Variants in LGR5 observed in about 807,000 individuals in gnomAD.
LGR5 encodes leucine rich repeat containing G protein-coupled receptor 5, also known as leucine-rich repeat-containing G protein-coupled receptor 5.
In LGR5, 54 loss-of-function variants were observed where a neutral mutation model predicts 76.7. The ratio of observed to expected loss-of-function variants is 0.70; its 90% CI spans 0.57 to 0.88. The LOEUF is 0.88. Ranked by LOEUF, LGR5 falls within the 40% of genes least tolerant of loss-of-function variation. LGR5 has a pLI of 0.00. For missense variants in LGR5, 1,078 were observed against 1,073.3 expected (o/e 1.00, Z -0.06); for synonymous variants, 406 against 421.9 (o/e 0.96, Z 0.46).
intron 4 of LGR5, among the ~76,000 whole-genome samples, chr12:71,543,118 C>A (rs1034394357): frequency 2.0e-5 from 3 of 152,140 alleles, no homozygotes; most frequent in African/African-American, 7.2e-5. Context: ...ATCTAGACAG[C>A]TGCTCAGACA....
chr12:71,485,909 G>A (rs942346623), intron 1 of LGR5, among the ~76,000 whole-genome samples: 4 of 151,902 alleles, frequency 2.6e-5, no homozygotes, highest in African/African-American at 7.3e-5. Context: ...GGGATTACAG[G>A]TGTCCGCCAC....
At chr12:71,459,836 AATT>A (rs1872621070) in intron 1 of LGR5, among the ~76,000 whole-genome samples, 1 of 151,996 alleles carries the variant, frequency 6.6e-6, no homozygotes, top group African/African-American at 2.4e-5. Flanking sequence ...AATAATTTAT[AATT>A]ATTGATATTG....
intron 1 of LGR5, among the ~76,000 whole-genome samples, chr12:71,495,390 T>G (rs1336232821): frequency 6.6e-6 from 1 of 151,340 alleles, no homozygotes; most frequent in East Asian, 1.9e-4. Flanking sequence ...AAGTTTAATT[T>G]CTGTTCAACA....
At chr12:71,450,109 C>A (rs563160240) in intron 1 of LGR5, among the ~76,000 whole-genome samples, 2 of 152,290 alleles carry the variant, frequency 1.3e-5, no homozygotes, top group Non-Finnish European at 2.9e-5. Context: ...TAATGACATT[C>A]TGAAAATCAC....
At chr12:71,493,863 G>A (rs1874189195) in intron 1 of LGR5, among the ~76,000 whole-genome samples, 1 of 148,116 alleles carries the variant, frequency 6.8e-6, no homozygotes, top group Non-Finnish European at 1.5e-5. Flanking sequence ...TGACCTTCTA[G>A]GCTCAGGTGA....
In LGR5 at chr12:71,514,440, C is replaced by T. The variant is rs1409729645; in HGVS notation, c.284+9755C>T. Among the ~76,000 whole-genome samples the T allele has an allele frequency of 5.9e-5, 9 of 151,792 alleles. No homozygotes were observed. In the East Asian group the frequency reaches 9.7e-4, roughly 16 times the overall value. ...AAAATTAGCCGGGCGTGGTGGCGGG[C>T]GCCTGTAGTCCCAGCTACTCAGGAG... On this transcript the variant is annotated intron_variant, in intron 2 of 17. Transcript: ENST00000266674.
At position 71,566,699 on chromosome 12, in the gene LGR5, C is replaced by G. The variant is rs1327699107; in HGVS notation, c.997C>G (p.Leu333Val). Residue 333 changes from leucine (L) to valine (V), a missense_variant and splice_region_variant, in exon 10 of 18, where the codon CTG (leucine) becomes GTG (valine). By Grantham distance (32) the Leu-to-Val change is conservative (BLOSUM62 1). Transcript: ENST00000266674. ...DLTGTANLES[L>V]TLTGAQISSL... is the part of the protein sequence containing the mutation. ...AACTGGAACTGCAAACCTGGAGAGT[C>G]TGTAAGTACTGAGTAGACTCTTGAC... 1 of 1,611,510 alleles carries G rather than the reference C, an allele frequency of 6.2e-7. No homozygotes were observed. Among genetic ancestry groups the G allele is most frequent in the South Asian group, 1.1e-5 (1 of 90,996 alleles).
intron 2 of LGR5, among the ~76,000 whole-genome samples, chr12:71,518,361 C>G (rs1004744029): frequency 5.9e-5 from 9 of 152,102 alleles, no homozygotes; most frequent in African/African-American, 2.2e-4. Flanking sequence ...CAGTTGCTGG[C>G]AAGATCGTGG....
intron 1 of LGR5, among the ~76,000 whole-genome samples, chr12:71,456,566 C>T (rs1357141174): frequency 2.0e-5 from 3 of 152,074 alleles, no homozygotes; most frequent in African/African-American, 7.2e-5. Flanking sequence ...TGTATTGTGC[C>T]CACTGAAGTG....
intron 1 of LGR5, among the ~76,000 whole-genome samples, chr12:71,467,029 T>C (rs1413119074): frequency 6.6e-6 from 1 of 151,720 alleles, no homozygotes; most frequent in Non-Finnish European, 1.5e-5. Context: ...TTAACAAAAA[T>C]AGTCATCATT....
chr12:71,440,006 G>T lies in LGR5; in HGVS notation c.-75G>T, dbSNP rs1434354577. ...TGCAGAAGCCCACGGAGCGGCGCCC[G>T]GCGCGCCACGGCCCGTAGCAGTCCG... On this transcript the variant is annotated 5_prime_UTR_variant, in exon 1 of 18. Coordinates refer to ENST00000266674, the MANE Select transcript of LGR5 (RefSeq NM_003667.4). The surrounding 1 kb of genome is among the most constrained non-coding windows in gnomAD (Gnocchi z 5.3). 2 of 1,443,398 alleles carry T rather than the reference G, an allele frequency of 1.4e-6. No individual in the cohort carries two copies. The highest frequency in any genetic ancestry group is 1.9e-6 in the Non-Finnish European group (2 of 1,052,576). The allele number at this position is 1,443,398 out of a possible 1,614,324, so 89.4% of individuals were successfully genotyped here. A position where few individuals can be genotyped will look rare whatever the true frequency, so the allele number is the denominator to read the frequency against.
chr12:71,454,786 C>A (rs1431737237), intron 1 of LGR5, among the ~76,000 whole-genome samples: 1 of 151,500 alleles, frequency 6.6e-6, no homozygotes, highest in Non-Finnish European at 1.5e-5. Flanking sequence ...AACACACACA[C>A]ACACACACAC....
intron 1 of LGR5, 21 bp from the exon 2 acceptor site, chr12:71,504,593 G>A (rs376745319): frequency 3.2e-5 from 51 of 1,606,564 alleles, no homozygotes; most frequent in East Asian, 4.5e-5. Flanking sequence ...CTCCTCACAC[G>A]CTGTCTGTTT....
chr12:71,524,367 G>A (rs767710463), intron 2 of LGR5, 39 bp from the exon 3 acceptor site: 1 of 1,441,680 alleles, frequency 6.9e-7, no homozygotes, highest in Admixed American at 1.7e-5. Context: ...CACATGAAGA[G>A]GTATGCTCAC....
At chr12:71,474,344 T>A (rs1477138354) in intron 1 of LGR5, among the ~76,000 whole-genome samples, 1 of 152,212 alleles carries the variant, frequency 6.6e-6, no homozygotes, top group African/African-American at 2.4e-5. Flanking sequence ...GAGCAGGTAC[T>A]GGTGTTTATA....
intron 2 of LGR5, among the ~76,000 whole-genome samples, chr12:71,520,634 G>C (rs140734873): frequency 6.6e-6 from 1 of 150,388 alleles, no homozygotes; most frequent in Non-Finnish European, 1.5e-5. Context: ...ATCAAACAAC[G>C]CATGTTCTCA....
chr12:71,537,126 C>A (rs1333771607), intron 4 of LGR5, among the ~76,000 whole-genome samples: 2 of 151,648 alleles, frequency 1.3e-5, no homozygotes, highest in Admixed American at 6.6e-5. Context: ...GTGCCAGTGT[C>A]CCACTTTTTC....
intron 1 of LGR5, among the ~76,000 whole-genome samples, chr12:71,480,378 A>AG (rs1491144138): frequency 2.4e-4 from 36 of 149,084 alleles, no homozygotes; most frequent in African/African-American, 8.4e-4. Flanking sequence ...AAAAAAAAAA[A>AG]AGAGAATGAG....
At chr12:71,480,441 T>C (rs61588654) in intron 1 of LGR5, among the ~76,000 whole-genome samples, 3,444 of 151,266 alleles carry the variant, frequency 0.023, 135 homozygotes, top group African/African-American at 0.079. Flanking sequence ...AGAGAGTTGG[T>C]GAACGCTTCC....
Sources: allele counts gnomAD v4.1 joint callset (sites outside exome capture counted in the v4.1 genomes callset), GRCh38; gene constraint gnomAD v4.1.1; non-coding constraint Gnocchi (gnomAD v3.1); transcripts MANE v1.5; gene names NCBI Gene and HGNC (gene_info 2026-07-23, HGNC 2026-07-21).